The following DPP6 variants were observed in gnomAD, a reference collection of about 807,000 sequenced individuals.
DPP6 encodes the protein A-type potassium channel modulatory protein DPP6.
DPP6 carries 69 observed loss-of-function variants against 122.6 expected under a neutral mutation model. That is an observed-to-expected ratio of 0.56 (90% confidence interval 0.46 to 0.69). The LOEUF is 0.69. Among genes scored for constraint, DPP6 ranks in the 30% least tolerant of loss-of-function variants. The pLI, the probability that DPP6 is intolerant of heterozygous loss-of-function variation, is 0.00. For synonymous variants in DPP6, 418 were observed against 433.1 expected, an observed-to-expected ratio of 0.97 and a Z score of 0.43; for missense variants, 928 against 1,116.9, an observed-to-expected ratio of 0.83 and a Z score of 2.41.
intron 7 of DPP6, among the ~76,000 whole-genome samples, chr7:154,681,967 G>A (rs886247658): frequency 1.3e-5 from 2 of 152,162 alleles, no homozygotes; most frequent in African/African-American, 4.8e-5. Context: ...TCCACAGCCC[G>A]TTGCTCAGCA....
At chr7:154,329,591 G>A (rs1429613426) in intron 1 of DPP6, among the ~76,000 whole-genome samples, 1 of 152,176 alleles carries the variant, frequency 6.6e-6, no homozygotes, top group African/African-American at 2.4e-5. Context: ...TGGGGGGAGT[G>A]TAAATTAGTT....
chr7:154,807,062 T>C lies in DPP6; in HGVS notation c.1616T>C (p.Phe539Ser). The C allele has an allele frequency of 6.2e-7, 1 of 1,613,828 alleles. No homozygotes were observed. The highest frequency in any genetic ancestry group is 8.5e-7 in the Non-Finnish European group (1 of 1,179,858). The part of the protein sequence containing the change: ...SCDLVENCTY[F>S]SASFSHSMDF... ...GACCTGGTTGAGAACTGCACCTACT[T>C]CAGCGCTTCCTTCAGCCATAGCATG... is the stretch of plus-strand genomic sequence containing the variant. Residue 539 changes from phenylalanine (F) to serine (S), a missense_variant, in exon 16 of 26, where the codon TTC (phenylalanine) becomes TCC (serine). Physicochemically the swap from Phe to Ser is radical, Grantham distance 155. Coordinates refer to ENST00000377770, the MANE Select transcript of DPP6 (RefSeq NM_130797.4).
chr7:154,795,720 T>C lies in DPP6; in HGVS notation c.1261-125T>C, dbSNP rs540603528. 58 of 1,350,546 alleles carry C rather than the reference T, an allele frequency of 4.3e-5. No homozygotes were observed. The African/African-American group carries it at 7.5e-4, about 18-fold the overall frequency. 83.7% of individuals were successfully genotyped at this position (1,350,546 alleles called of 1,614,324 possible). A position where few individuals can be genotyped will look rare whatever the true frequency, so the allele number is the denominator to read the frequency against. On this transcript the variant is annotated intron_variant, in intron 11 of 25. Coordinates refer to ENST00000377770, the MANE Select transcript of DPP6 (RefSeq NM_130797.4). ...TGCCGTGGCAGCTGTGCAATGCTTGTGCAGCGGCCATGTAGGTGAAGCCAA... is the reference window on the plus strand; with the variant it reads ...TGCCGTGGCAGCTGTGCAATGCTTGCGCAGCGGCCATGTAGGTGAAGCCAA...
At position 154,875,594 on chromosome 7, in the gene DPP6, G is replaced by T. The variant is rs1204366448; in HGVS notation, c.1884-312G>T. Among the ~76,000 whole-genome samples the T allele has an allele frequency of 6.6e-6, 1 of 151,294 alleles. No individual in the cohort carries two copies. Among genetic ancestry groups the T allele is most frequent in the Non-Finnish European group, 1.5e-5 (1 of 67,718 alleles). ...TAGGGAAGGTCCCCGCAGGGAGAAG[G>T]TGGGAGGATTTGTATTGTTTCCCTC... On this transcript the variant is annotated intron_variant, in intron 19 of 25. Coordinates refer to ENST00000377770, the MANE Select transcript of DPP6 (RefSeq NM_130797.4). This position sits in a 1 kb window ranked among gnomAD's most constrained non-coding sequence, Gnocchi z 4.5.
At chr7:153,930,794 G>T (rs912030111) in intron 1 of DPP6, among the ~76,000 whole-genome samples, 1 of 152,180 alleles carries the variant, frequency 6.6e-6, no homozygotes, top group Non-Finnish European at 1.5e-5. Context: ...CCTGGGATAT[G>T]TTGTAAGGAC....
At chr7:154,840,562 G>T (rs1056221440) in intron 16 of DPP6, among the ~76,000 whole-genome samples, 1 of 152,128 alleles carries the variant, frequency 6.6e-6, no homozygotes, top group East Asian at 1.9e-4. Flanking sequence ...GCGTTGTCTC[G>T]GGAAGCTGAG....
chr7:154,790,999 C>A (rs1329850712), intron 10 of DPP6, among the ~76,000 whole-genome samples: 1 of 152,106 alleles, frequency 6.6e-6, no homozygotes, highest in Non-Finnish European at 1.5e-5. Context: ...TGCCTGTAGT[C>A]CCAGCACTTT....
intron 1 of DPP6, among the ~76,000 whole-genome samples, chr7:154,059,971 C>A (rs1452864717): frequency 2.6e-5 from 4 of 152,006 alleles, no homozygotes; most frequent in Admixed American, 6.6e-5. Flanking sequence ...TGGCTGAGAT[C>A]CATCCCCTCT....
chr7:154,082,776 A>C (rs1216984346), intron 1 of DPP6, among the ~76,000 whole-genome samples: 1 of 151,608 alleles, frequency 6.6e-6, no homozygotes. Context: ...CAGCCTCCAC[A>C]AACCTTGAGG....
chr7:154,280,999 A>AT (rs760371754), intron 1 of DPP6, among the ~76,000 whole-genome samples: 1 of 56,390 alleles, frequency 1.8e-5, no homozygotes, highest in Non-Finnish European at 5.9e-5. Context: ...TTATTTATTT[A>AT]TTTATTTATT....
rs540947708 is a variant in DPP6, at chr7:154,842,050, G to A, written c.1667-11730G>A. 1.9e-4 allele frequency among the ~76,000 whole-genome samples: 29 copies of A among 152,294 alleles called. 1 individual carries two copies. The South Asian group carries it at 3.9e-3, about 21-fold the overall frequency. The stretch of plus-strand genomic sequence containing the variant: ...TGGCTAGCTCCCTGTTTATTAGTAT[G>A]ATAATATCACCTCAATGTATAAACT... On this transcript the variant is annotated intron_variant, in intron 16 of 25. Coordinates refer to ENST00000377770, the MANE Select transcript of DPP6 (RefSeq NM_130797.4).
At chr7:153,828,269 G>T in the DPP6 span, among the ~76,000 whole-genome samples, 2 of 152,206 alleles carry the variant, frequency 1.3e-5, no homozygotes, top group Non-Finnish European at 2.9e-5. Flanking sequence ...GGGAGACAGT[G>T]TGACTGTGGC....
At chr7:154,778,188 C>T (rs77059415) in intron 10 of DPP6, among the ~76,000 whole-genome samples, 4,605 of 152,228 alleles carry the variant, frequency 0.03, 220 homozygotes, top group African/African-American at 0.1. Context: ...AGATAAGCTA[C>T]AGGATAGAAA....
intron 1 of DPP6, among the ~76,000 whole-genome samples, chr7:154,317,435 C>T (rs767311231): frequency 6.6e-6 from 1 of 152,160 alleles, no homozygotes; most frequent in East Asian, 1.9e-4. Flanking sequence ...TTATTAAATT[C>T]ACTTAGACAT....
Position 154,821,994 on chromosome 7 carries a change from C to T in DPP6, c.1666+14882C>T, listed in dbSNP as rs990167632. Among the ~76,000 whole-genome samples the T allele has an allele frequency of 6.6e-6, 1 of 152,124 alleles. No homozygotes were observed. The highest frequency in any genetic ancestry group is 1.9e-4 in the East Asian group (1 of 5,196). ...AAGCTTCCCTGATGTTATTTCTGTACCTGTCAAACTAGCAACTTATTTAAA... is the reference window on the plus strand; with the variant it reads ...AAGCTTCCCTGATGTTATTTCTGTATCTGTCAAACTAGCAACTTATTTAAA... On this transcript the variant is annotated intron_variant, in intron 16 of 25. Coordinates refer to ENST00000377770, the MANE Select transcript of DPP6 (RefSeq NM_130797.4). This position sits in a 1 kb window ranked among gnomAD's most constrained non-coding sequence, Gnocchi z 4.2.
At chr7:154,318,712 G>A (rs1221605581) in intron 1 of DPP6, among the ~76,000 whole-genome samples, 1 of 152,208 alleles carries the variant, frequency 6.6e-6, no homozygotes, top group Non-Finnish European at 1.5e-5. Context: ...TATTCAGGAT[G>A]TATTTCTTTC....
chr7:153,842,641 C>T, the DPP6 span, among the ~76,000 whole-genome samples: 7 of 151,904 alleles, frequency 4.6e-5, no homozygotes, highest in Non-Finnish European at 7.4e-5. Flanking sequence ...TTTACTTTAC[C>T]GTGGTAAGAA....
intron 1 of DPP6, among the ~76,000 whole-genome samples, chr7:154,103,699 AG>A (rs764913192): frequency 2.0e-5 from 3 of 152,246 alleles, no homozygotes; most frequent in Admixed American, 6.5e-5. Flanking sequence ...CTGCCAGTGC[AG>A]GCAGAACAAA....
At chr7:153,833,673 C>CAA in the DPP6 span, among the ~76,000 whole-genome samples, 4 of 139,496 alleles carry the variant, frequency 2.9e-5, no homozygotes, top group African/African-American at 5.3e-5. Context: ...GACTCTGTCT[C>CAA]AAAAAAAAAA....
Sources: gnomAD v4.1 joint callset for allele counts (sites outside exome capture counted in the v4.1 genomes callset) on GRCh38, gnomAD v4.1.1 for gene constraint, Gnocchi (gnomAD v3.1) non-coding constraint, MANE v1.5 for transcripts, NCBI Gene and HGNC (gene_info 2026-07-23, HGNC 2026-07-21) for gene names.